NTN1: variants seen among roughly 807,000 people sequenced by gnomAD.
The protein encoded by NTN1 is netrin-1.
A neutral mutation model predicts 54.2 loss-of-function variants in NTN1; 11 were observed. The observed-to-expected ratio is 0.20, with a 90% CI of 0.13 to 0.34. The LOEUF is 0.34. Ranked by LOEUF, NTN1 falls within the 10% of genes least tolerant of loss-of-function variation. The probability of loss-of-function intolerance (pLI) is 1.00; values close to 1 mark genes in which losing one functional copy is unlikely to be tolerated. For synonymous variants in NTN1, 371 were observed against 382.0 expected (o/e 0.97, Z 0.33); for missense variants, 740 against 893.1 (o/e 0.83, Z 2.18).
intron 2 of NTN1, among the ~76,000 whole-genome samples, chr17:9,138,696 T>C (rs1481664447): frequency 6.6e-6 from 1 of 152,008 alleles, no homozygotes; most frequent in Non-Finnish European, 1.5e-5. Context: ...AGTCAAAGAC[T>C]GGAGGAGATA....
intron 2 of NTN1, among the ~76,000 whole-genome samples, chr17:9,146,713 T>G (rs2092314620): frequency 6.6e-6 from 1 of 152,142 alleles, no homozygotes; most frequent in Non-Finnish European, 1.5e-5. Flanking sequence ...GCTAGGGATT[T>G]GGCCCGTGCT....
chr17:9,157,330 G>A (rs540935976), intron 2 of NTN1, among the ~76,000 whole-genome samples: 1 of 152,310 alleles, frequency 6.6e-6, no homozygotes, highest in South Asian at 2.1e-4. Flanking sequence ...ACAGAGCTGG[G>A]AACATAGCTA....
chr17:9,077,452 T>C (rs1206860354), intron 2 of NTN1, among the ~76,000 whole-genome samples: 1 of 152,208 alleles, frequency 6.6e-6, no homozygotes, highest in African/African-American at 2.4e-5. Context: ...CATCAGCTCA[T>C]TTTAGCACTC....
At chr17:9,121,458 TC>T (rs949808552) in intron 2 of NTN1, among the ~76,000 whole-genome samples, 29 of 152,288 alleles carry the variant, frequency 1.9e-4, no homozygotes, top group African/African-American at 6.5e-4. Context: ...CGGTGATTTT[TC>T]CCACTCACCC....
intron 2 of NTN1, among the ~76,000 whole-genome samples, chr17:9,061,877 G>C (rs1184649728): frequency 6.6e-6 from 1 of 151,942 alleles, no homozygotes; most frequent in East Asian, 1.9e-4. Flanking sequence ...CTAATTTTTT[G>C]TATTTTTAGT....
At chr17:9,140,480 G>A (rs140806274) in intron 2 of NTN1, among the ~76,000 whole-genome samples, 13 of 152,326 alleles carry the variant, frequency 8.5e-5, no homozygotes, top group African/African-American at 3.1e-4. Flanking sequence ...TGAAAGCAGT[G>A]TTCATGGAGG....
intron 5 of NTN1, among the ~76,000 whole-genome samples, chr17:9,193,079 CAAA>C (rs528295578): frequency 4.7e-5 from 5 of 105,958 alleles, no homozygotes; most frequent in Non-Finnish European, 9.5e-5. Flanking sequence ...GACTCTGTCT[CAAA>C]AAAAAAAAAA....
chr17:9,003,133 C>A, the NTN1 span, among the ~76,000 whole-genome samples: 21 of 152,218 alleles, frequency 1.4e-4, no homozygotes, highest in African/African-American at 3.9e-4. This position sits in a 1 kb window ranked among gnomAD's most constrained non-coding sequence, Gnocchi z 7.4. Context: ...CTGCCGCCGG[C>A]GCCTCGGGGA....
intron 2 of NTN1, among the ~76,000 whole-genome samples, chr17:9,033,558 GC>G (rs1304982924): frequency 6.6e-6 from 1 of 152,136 alleles, no homozygotes; most frequent in African/African-American, 2.4e-5. Flanking sequence ...GATTGCTTGA[GC>G]CTGGGAGTTT....
chr17:9,203,212 T>C (rs902852650), intron 5 of NTN1, among the ~76,000 whole-genome samples: 17 of 152,124 alleles, frequency 1.1e-4, no homozygotes, highest in Admixed American at 2.6e-4. Context: ...TGAGCCACCA[T>C]GCCCGGCTGG....
At chr17:9,201,079 C>G (rs770933441) in intron 5 of NTN1, among the ~76,000 whole-genome samples, 5 of 152,262 alleles carry the variant, frequency 3.3e-5, no homozygotes, top group Non-Finnish European at 5.9e-5. Flanking sequence ...TAGCTGGAAA[C>G]TTGAGTTCCT....
chr17:9,042,116 C>T (rs1350072436), intron 2 of NTN1, among the ~76,000 whole-genome samples: 2 of 152,012 alleles, frequency 1.3e-5, no homozygotes, highest in African/African-American at 4.8e-5. Flanking sequence ...CCACCAGCAA[C>T]ATATGGGGAT....
intron 2 of NTN1, among the ~76,000 whole-genome samples, chr17:9,046,535 C>G (rs2142195108): frequency 6.6e-6 from 1 of 152,298 alleles, no homozygotes; most frequent in South Asian, 2.1e-4. Context: ...GCCTACGATC[C>G]CGGTACTTCG....
chr17:9,186,737 G>A (rs1404718759), intron 5 of NTN1, among the ~76,000 whole-genome samples: 3 of 152,226 alleles, frequency 2.0e-5, no homozygotes, highest in Non-Finnish European at 4.4e-5. Context: ...CCTTAGAGAA[G>A]TCACTTCCGG....
intron 5 of NTN1, among the ~76,000 whole-genome samples, chr17:9,194,950 G>A (rs1904583620): frequency 6.6e-6 from 1 of 152,032 alleles, no homozygotes; most frequent in African/African-American, 2.4e-5. Context: ...CTTCCCCTTG[G>A]CCAGGAGAAC....
rs370943781 is a variant in NTN1, at chr17:9,204,246, TTC to T, written c.1412-16905_1412-16904del. ...TTTTCTTTCTCTTCTCTTCCTCTGT[TTC>T]TCTCTCTCTCTCTCTCCTTCTCTCT... On this transcript the variant is annotated intron_variant, in intron 5 of 6. Transcript: ENST00000173229. 3.3e-3 allele frequency among the ~76,000 whole-genome samples: 492 copies of T among 147,612 alleles called. 3 individuals are homozygous for T. Among genetic ancestry groups the T allele is most frequent in the African/African-American group, 0.011 (431 of 40,138 alleles).
chr17:9,105,059 C>T (rs2092161619), intron 2 of NTN1, among the ~76,000 whole-genome samples: 1 of 152,192 alleles, frequency 6.6e-6, no homozygotes, highest in African/African-American at 2.4e-5. Context: ...GTGAGAGACC[C>T]GGCAGTCCAA....
At chr17:9,033,777 C>A (rs928001509) in intron 2 of NTN1, among the ~76,000 whole-genome samples, 5 of 151,934 alleles carry the variant, frequency 3.3e-5, no homozygotes, top group African/African-American at 1.2e-4. Context: ...ATTAGCCGGG[C>A]GTGGTGGCAC....
chr17:9,180,424 A>G (rs1316238621), intron 4 of NTN1, among the ~76,000 whole-genome samples: 1 of 152,242 alleles, frequency 6.6e-6, no homozygotes, highest in Non-Finnish European at 1.5e-5. Flanking sequence ...CCCCAAGCTC[A>G]TAGAGTTCTT....
Sources: gnomAD v4.1 joint callset for allele counts (sites outside exome capture counted in the v4.1 genomes callset) on GRCh38, gnomAD v4.1.1 for gene constraint, Gnocchi (gnomAD v3.1) non-coding constraint, MANE v1.5 for transcripts, NCBI Gene and HGNC (gene_info 2026-07-23, HGNC 2026-07-21) for gene names.